The following SERPINI2 variants were observed in gnomAD, a reference collection of about 807,000 sequenced individuals.
SERPINI2 encodes the protein serpin I2.
Under a neutral mutation model 47.3 loss-of-function variants are expected in SERPINI2, and 48 were observed. The observed-to-expected ratio is 1.02, with a 90% CI of 0.81 to 1.29. The LOEUF is 1.29. Among genes scored for constraint, SERPINI2 ranks in the 50% most tolerant of loss-of-function variants. SERPINI2 has a pLI of 0.00. For missense variants in SERPINI2, 448 were observed against 456.9 expected (o/e 0.98, Z 0.18); for synonymous variants, 135 against 149.3 (o/e 0.90, Z 0.70).
In SERPINI2 at chr3:167,465,316, A is replaced by T. The variant is rs771791481; in HGVS notation, c.756T>A (p.Leu252=). The stretch of plus-strand genomic sequence containing the variant: ...CTTCTATATCCATACCTTCTGCAGG[A>T]AGTATGATAATTAAGCTAAATTCAT... Residue 252 remains leucine (L), a synonymous_variant, in exon 5 of 9, where the codon CTT becomes CTA. Transcript: ENST00000264677. 4 of 1,613,198 alleles carry T rather than the reference A, an allele frequency of 2.5e-6. No homozygotes were observed. In the South Asian group the frequency reaches 4.4e-5, roughly 18 times the overall value.
At chr3:167,446,346 C>A in intron 8 of SERPINI2, 46 bp downstream of exon 8, 1 of 1,289,308 alleles carries the variant, frequency 7.8e-7, no homozygotes, top group Non-Finnish European at 1.1e-6. Flanking sequence ...GGAACTAGTT[C>A]TGCTTAACAT....
chr3:167,463,865 G>A (rs989899109), intron 5 of SERPINI2, among the ~76,000 whole-genome samples: 7 of 151,920 alleles, frequency 4.6e-5, no homozygotes, highest in Non-Finnish European at 1.0e-4. Context: ...GGTATGGTGT[G>A]GGTAGGAGTA....
intron 5 of SERPINI2, among the ~76,000 whole-genome samples, chr3:167,462,395 A>G (rs1750008180): frequency 6.6e-6 from 1 of 152,194 alleles, no homozygotes; most frequent in East Asian, 1.9e-4. Context: ...GAAGGCCGTG[A>G]GGGAAAAATT....
At chr3:167,470,269 ATTAAC>A (rs1441538614) in intron 2 of SERPINI2, among the ~76,000 whole-genome samples, 33 of 152,180 alleles carry the variant, frequency 2.2e-4, no homozygotes, top group African/African-American at 5.3e-4. Flanking sequence ...AATTCTTACA[ATTAAC>A]TTCACTTCAC....
At chr3:167,472,331 C>T (rs946203360) in intron 1 of SERPINI2, among the ~76,000 whole-genome samples, 2 of 151,934 alleles carry the variant, frequency 1.3e-5, no homozygotes, top group African/African-American at 4.8e-5. Context: ...TATTCTAAAG[C>T]AACTGAGTAA....
At chr3:167,456,891 T>C (rs1749809245) in intron 5 of SERPINI2, among the ~76,000 whole-genome samples, 4 of 152,212 alleles carry the variant, frequency 2.6e-5, no homozygotes, top group Admixed American at 2.6e-4. Context: ...CTAAAAATTG[T>C]ATACACATTA....
intron 7 of SERPINI2, 113 bp from the exon 8 acceptor site, chr3:167,446,594 C>A: frequency 3.2e-6 from 2 of 628,964 alleles, no homozygotes; most frequent in Non-Finnish European, 5.3e-6. Flanking sequence ...AAGGAGTTAA[C>A]ATGTGGAAAA....
intron 8 of SERPINI2, among the ~76,000 whole-genome samples, chr3:167,443,726 G>A (rs1749391104): frequency 6.6e-6 from 1 of 152,052 alleles, no homozygotes; most frequent in South Asian, 2.1e-4. Flanking sequence ...ATACCTAGAA[G>A]GGTAGAATGT....
At position 167,446,378 on chromosome 3, in the gene SERPINI2, C is replaced by A; in HGVS notation, c.1141+14G>T. Reference sequence around the variant, plus strand: ...ACATAATCAGTTCCCCCAAATAATTCTCAAAAAAGGTACCTGTTGGATTAT... The same window carrying A: ...ACATAATCAGTTCCCCCAAATAATTATCAAAAAAGGTACCTGTTGGATTAT... On this transcript the variant is annotated intron_variant, in intron 8 of 8. Coordinates refer to ENST00000264677, the Ensembl canonical transcript of SERPINI2. 3 of 1,556,856 alleles carry A rather than the reference C, an allele frequency of 1.9e-6. No individual in the cohort carries two copies. The highest frequency in any genetic ancestry group is 1.8e-6 in the Non-Finnish European group (2 of 1,137,062).
intron 5 of SERPINI2, among the ~76,000 whole-genome samples, chr3:167,458,990 A>G (rs1749896867): frequency 6.6e-6 from 1 of 151,878 alleles, no homozygotes; most frequent in South Asian, 2.1e-4. Context: ...TTTATACTAT[A>G]TTTTCAGAAT....
chr3:167,469,941 G>T (rs1750257632), intron 2 of SERPINI2, among the ~76,000 whole-genome samples: 1 of 152,172 alleles, frequency 6.6e-6, no homozygotes, highest in East Asian at 1.9e-4. Flanking sequence ...TATTAAATGA[G>T]AGAATATATA....
intron 8 of SERPINI2, 131 bp downstream of exon 8, chr3:167,446,261 G>GTA (rs3830596): frequency 0.14 from 76,547 of 566,518 alleles, 8,349 homozygotes; most frequent in African/African-American, 0.39. Flanking sequence ...ACAATTCCTG[G>GTA]TATATAAAAT....
At position 167,458,337 on chromosome 3, in the gene SERPINI2, G is replaced by A. The variant is rs761787376; in HGVS notation, c.867-5304C>T. ...ATGATCTGGGCTCTCTGCAAGCTCC[G>A]CCTCCCAGGTTCACGCCATTTTCCT... On this transcript the variant is annotated intron_variant, in intron 5 of 8. Transcript: ENST00000264677. 6.4e-5 allele frequency among the ~76,000 whole-genome samples: 9 copies of A among 140,862 alleles called. No individual in the cohort carries two copies. The South Asian group carries it at 9.2e-4, about 14-fold the overall frequency. The allele number at this position is 140,862 out of a possible 152,430, so 92.4% of individuals were successfully genotyped here. A position where few individuals can be genotyped will look rare whatever the true frequency, so the allele number is the denominator to read the frequency against.
intron 2 of SERPINI2, among the ~76,000 whole-genome samples, chr3:167,468,989 C>T (rs543490130): frequency 2.0e-5 from 3 of 152,108 alleles, no homozygotes; most frequent in Non-Finnish European, 4.4e-5. Flanking sequence ...AGATTTATGT[C>T]ATGTACTTAA....
At chr3:167,473,605 C>T in intron 1 of SERPINI2, 1 of 405,390 alleles carries the variant, frequency 2.5e-6, no homozygotes, top group South Asian at 7.8e-5. Flanking sequence ...GAGTTTCCTT[C>T]TCATTATTAT....
chr3:167,443,435 A>G (rs1313070649), intron 8 of SERPINI2, among the ~76,000 whole-genome samples: 3 of 152,206 alleles, frequency 2.0e-5, no homozygotes, highest in Admixed American at 2.0e-4. Flanking sequence ...ATGAATAATT[A>G]TAGTCAACAA....
At chr3:167,454,256 A>C (rs1749726828) in intron 5 of SERPINI2, among the ~76,000 whole-genome samples, 1 of 152,258 alleles carries the variant, frequency 6.6e-6, no homozygotes, top group South Asian at 2.1e-4. Context: ...AAAGCAATGA[A>C]CATGCTGTGG....
At chr3:167,442,266 T>A in intron 8 of SERPINI2, 81 bp from the exon 9 acceptor site, 1 of 992,858 alleles carries the variant, frequency 1.0e-6, no homozygotes, top group Non-Finnish European at 1.4e-6. Context: ...TCTTAATATT[T>A]AACATGTCAT....
At chr3:167,474,206 A>G (rs1402344280), upstream of SERPINI2, 11 of 753,160 alleles carry the variant, frequency 1.5e-5, 1 homozygote, top group Non-Finnish European at 1.8e-5. Context: ...AACTGATGAA[A>G]TGTGCAAGAA....
Sources: gnomAD v4.1 joint callset for allele counts (sites outside exome capture counted in the v4.1 genomes callset) on GRCh38, gnomAD v4.1.1 for gene constraint, MANE v1.5 for transcripts, NCBI Gene and HGNC (gene_info 2026-07-23, HGNC 2026-07-21) for gene names.